NBPF11: variants seen among roughly 807,000 people sequenced by gnomAD.
NBPF11 encodes NBPF family member NBPF11.
A neutral mutation model predicts 93.9 loss-of-function variants in NBPF11; 72 were observed. That is an observed-to-expected ratio of 0.77 (90% confidence interval 0.63 to 0.93). The LOEUF is 0.93. Among genes scored for constraint, NBPF11 ranks in the 40% least tolerant of loss-of-function variants. The probability of loss-of-function intolerance (pLI) is 0.00; values close to 1 mark genes in which losing one functional copy is unlikely to be tolerated. For synonymous variants in NBPF11, 224 were observed against 304.9 expected (o/e 0.73, Z 2.76); for missense variants, 705 against 802.2 (o/e 0.88, Z 1.46).
rs1666397611 is a variant in NBPF11 at position 148,115,862 on chromosome 1, T to G, written c.1516A>C (p.Lys506Gln). Residue 506 changes from lysine (K) to glutamine (Q), a missense_variant, in exon 14 of 24, where the codon AAA becomes CAA. Physicochemically the swap from Lys to Gln is moderately conservative, Grantham distance 53. Around this residue, in one of 12 missense-constraint regions of NBPF11, gnomAD observed 54 missense variants for 91.8 expected, o/e 0.59. Coordinates refer to ENST00000682118, the MANE Select transcript of NBPF11 (RefSeq NM_001385469.3). ...GAGCCAATGAGAGTTGAGTCGACTT[T>G]GTCTTCCTCAAATGTGATTTTGGTT... ...RKTKITFEEDKVDSTLIGSSS... is the reference protein window; with the variant it reads ...RKTKITFEEDQVDSTLIGSSS... The G allele has an allele frequency of 5.7e-6, 9 of 1,583,282 alleles. 1 individual carries two copies. In the Admixed American group the frequency reaches 1.0e-4, roughly 18 times the overall value.
chr1:148,140,642 G>A (rs1371104905), intron 2 of NBPF11, among the ~76,000 whole-genome samples: 3 of 149,900 alleles, frequency 2.0e-5, no homozygotes, highest in African/African-American at 7.4e-5. Context: ...TGGCAAATAA[G>A]CATATGAGAA....
intron 4 of NBPF11, among the ~76,000 whole-genome samples, chr1:148,127,695 T>A (rs1461781252): frequency 7.8e-6 from 1 of 128,414 alleles, no homozygotes; most frequent in Non-Finnish European, 1.6e-5. Flanking sequence ...CAGGCTGGAG[T>A]GCAGTGACGC....
At chr1:148,146,131 T>TGGGGCCCG (rs1236362763) in intron 1 of NBPF11, among the ~76,000 whole-genome samples, 1 of 150,264 alleles carries the variant, frequency 6.7e-6, no homozygotes, top group Non-Finnish European at 1.5e-5. Context: ...AGCGCGGCCC[T>TGGGGCCCG]GGGGCCCGGG....
intron 4 of NBPF11, among the ~76,000 whole-genome samples, chr1:148,132,268 C>G (rs1410202516): frequency 2.1e-5 from 3 of 143,594 alleles, no homozygotes; most frequent in Non-Finnish European, 3.0e-5. Flanking sequence ...GGTGTGTATA[C>G]ATATATATAT....
intron 22 of NBPF11, among the ~76,000 whole-genome samples, chr1:148,105,007 A>C (rs1273264817): frequency 2.5e-5 from 3 of 119,014 alleles, no homozygotes; most frequent in African/African-American, 1.1e-4. Context: ...CAGATTGTTC[A>C]TGGTTGTGAG....
At chr1:148,108,857 ACAC>A (rs1664505464) in intron 17 of NBPF11, among the ~76,000 whole-genome samples, 2 of 140,072 alleles carry the variant, frequency 1.4e-5, no homozygotes, top group African/African-American at 5.3e-5. Context: ...ACACACACAC[ACAC>A]ACACACACAC....
intron 14 of NBPF11, among the ~76,000 whole-genome samples, chr1:148,115,065 T>C (rs1198470137): frequency 3.1e-5 from 4 of 129,328 alleles, no homozygotes; most frequent in African/African-American, 6.2e-5. Flanking sequence ...CTCAGGAGGC[T>C]GAGGCAGGAG....
At chr1:148,151,523 T>C (rs1297657012) in intron 1 of NBPF11, among the ~76,000 whole-genome samples, 1 of 152,006 alleles carries the variant, frequency 6.6e-6, no homozygotes, top group East Asian at 1.9e-4. Flanking sequence ...AGGGAGTTTC[T>C]TCCCCAGCGC....
intron 21 of NBPF11, among the ~76,000 whole-genome samples, chr1:148,105,776 T>TGAGAGA (rs1299636402): frequency 1.0e-4 from 13 of 125,068 alleles, no homozygotes; most frequent in Middle Eastern, 3.9e-3. Flanking sequence ...ACACACACAC[T>TGAGAGA]GAGAGAGAGA....
At chr1:148,132,572 C>A (rs1670586677) in intron 4 of NBPF11, among the ~76,000 whole-genome samples, 1 of 149,536 alleles carries the variant, frequency 6.7e-6, no homozygotes, top group Non-Finnish European at 1.5e-5. Flanking sequence ...ATCTGGAGAT[C>A]AATTTACGAA....
At position 148,102,294 on chromosome 1, in the gene NBPF11, C is replaced by A. The variant is rs1408372004; in HGVS notation, c.*1602G>T. 1 of 151,812 alleles carries A rather than the reference C, an allele frequency of 6.6e-6. No individual in the cohort carries two copies. Among genetic ancestry groups the A allele is most frequent in the African/African-American group, 2.4e-5 (1 of 41,110 alleles). 9.4% of individuals were successfully genotyped at this position (151,812 alleles called of 1,614,324 possible). On this transcript the variant is annotated 3_prime_UTR_variant, in exon 24 of 24. Transcript: ENST00000682118. ...AGTAAAAATTGAGACCCAAAATTTGCAGCGTAGAGATATGAATATAATAAT... is the reference window on the plus strand; with the variant it reads ...AGTAAAAATTGAGACCCAAAATTTGAAGCGTAGAGATATGAATATAATAAT...
At chr1:148,124,434 T>C (rs878871194) in intron 6 of NBPF11, among the ~76,000 whole-genome samples, 3 of 145,976 alleles carry the variant, frequency 2.1e-5, no homozygotes, top group African/African-American at 7.8e-5. Context: ...TACAAAGCCA[T>C]GTACAGAAAT....
intron 17 of NBPF11, among the ~76,000 whole-genome samples, chr1:148,108,934 A>T (rs1308871649): frequency 5.1e-4 from 76 of 149,566 alleles, no homozygotes; most frequent in African/African-American, 1.7e-3. Flanking sequence ...CTGATGAGGG[A>T]GTCAAAGGAC....
chr1:148,116,206 C>T (rs12116527), intron 13 of NBPF11, among the ~76,000 whole-genome samples: 2 of 151,922 alleles, frequency 1.3e-5, no homozygotes, highest in Non-Finnish European at 2.9e-5. Flanking sequence ...AGAGCAGCTG[C>T]TGTTCATTGC....
chr1:148,129,127 A>ATTATTTATATATACACGTGTATATGTT (rs1669778618), intron 4 of NBPF11, among the ~76,000 whole-genome samples: 1 of 145,116 alleles, frequency 6.9e-6, no homozygotes. Context: ...GTGTATATGT[A>ATTATTTATATATACACGTGTATATGTT]TTATTTATAT....
chr1:148,135,081 A>T (rs1467960456), intron 4 of NBPF11: 1 of 147,802 alleles, frequency 6.8e-6, no homozygotes, highest in Non-Finnish European at 1.5e-5. Context: ...CTTCTCTTCC[A>T]CTATCTCCCC....
rs1424317070 is a variant in NBPF11 at position 148,120,726 on chromosome 1, G to A, written c.779-16C>T. On this transcript the variant is annotated splice_polypyrimidine_tract_variant and intron_variant, in intron 9 of 23. Transcript: ENST00000682118. ...GGGCCAGGGACTGGGGAGAAGAAAG[G>A]CAAACATATGATGGGTTAAAAACTG... is the stretch of plus-strand genomic sequence containing the variant. 2 of 1,476,042 alleles carry A rather than the reference G, an allele frequency of 1.4e-6. No homozygotes were observed. Among genetic ancestry groups the A allele is most frequent in the East Asian group, 2.3e-5 (1 of 44,110 alleles). The allele number at this position is 1,476,042 out of a possible 1,614,324, so 91.4% of individuals were successfully genotyped here.
chr1:148,111,542 T>C (rs1354918320), intron 15 of NBPF11, among the ~76,000 whole-genome samples: 66 of 151,178 alleles, frequency 4.4e-4, no homozygotes, highest in African/African-American at 1.0e-3. Context: ...GAATGAACAG[T>C]GTAGAGAAGA....
intron 15 of NBPF11, among the ~76,000 whole-genome samples, chr1:148,111,774 T>C (rs1452910725): frequency 5.3e-5 from 8 of 151,626 alleles, no homozygotes; most frequent in Non-Finnish European, 8.8e-5. Context: ...AATCTACGTT[T>C]GATTGGTGTA....
Sources: allele counts gnomAD v4.1 joint callset (sites outside exome capture counted in the v4.1 genomes callset), GRCh38; gene constraint gnomAD v4.1.1; regional missense constraint gnomAD v4.1.1; transcripts MANE v1.5; gene names NCBI Gene and HGNC (gene_info 2026-07-23, HGNC 2026-07-21).